PARD3: variants seen among roughly 807,000 people sequenced by gnomAD.
PARD3 encodes the protein partitioning defective 3 homolog.
PARD3 carries 75 observed loss-of-function variants against 155.4 expected under a neutral mutation model. The ratio of observed to expected loss-of-function variants is 0.48; its 90% CI spans 0.40 to 0.58. The LOEUF is 0.58. Ranked by LOEUF, PARD3 falls within the 20% of genes least tolerant of loss-of-function variation. PARD3 has a pLI of 0.00. For synonymous variants in PARD3, 576 were observed against 610.5 expected, an observed-to-expected ratio of 0.94 and a Z score of 0.83; for missense variants, 1,642 against 1,721.7, an observed-to-expected ratio of 0.95 and a Z score of 0.82.
chr10:34,401,034 T>C (rs961658649), intron 6 of PARD3, among the ~76,000 whole-genome samples: 1 of 152,248 alleles, frequency 6.6e-6, no homozygotes. Flanking sequence ...TCAAACAGCA[T>C]CTGACTCTAG....
At chr10:34,540,049 T>A (rs951491584) in intron 2 of PARD3, among the ~76,000 whole-genome samples, 7 of 151,922 alleles carry the variant, frequency 4.6e-5, no homozygotes, top group African/African-American at 1.7e-4. Context: ...GGAGTCAGAG[T>A]CCCTGGAACA....
chr10:34,494,329 C>T (rs1040732002), intron 3 of PARD3, among the ~76,000 whole-genome samples: 12 of 152,152 alleles, frequency 7.9e-5, no homozygotes, highest in African/African-American at 1.9e-4. Context: ...AGAGGCCCAG[C>T]GTGCTAGTCA....
At chr10:34,248,733 C>T (rs1954113597) in intron 22 of PARD3, among the ~76,000 whole-genome samples, 1 of 152,108 alleles carries the variant, frequency 6.6e-6, no homozygotes, top group Non-Finnish European at 1.5e-5. Context: ...AAGTTAAGGC[C>T]CAATGAAGAG....
At chr10:34,637,534 A>T (rs1488500432) in intron 2 of PARD3, among the ~76,000 whole-genome samples, 1 of 152,200 alleles carries the variant, frequency 6.6e-6, no homozygotes, top group Non-Finnish European at 1.5e-5. Flanking sequence ...TGAATTCACT[A>T]CAATGCTTTG....
intron 2 of PARD3, among the ~76,000 whole-genome samples, chr10:34,671,341 G>A (rs960945332): frequency 1.3e-5 from 2 of 152,042 alleles, no homozygotes; most frequent in African/African-American, 4.8e-5. Context: ...ATTTTGGTAG[G>A]GAAAAATAAA....
chr10:34,495,359 G>C (rs551176981), intron 3 of PARD3, among the ~76,000 whole-genome samples: 1 of 152,206 alleles, frequency 6.6e-6, no homozygotes, highest in Admixed American at 6.5e-5. Flanking sequence ...AAGTTCATCA[G>C]AGTCCAAATA....
chr10:34,671,359 A>G (rs2093607288), intron 2 of PARD3, among the ~76,000 whole-genome samples: 1 of 152,240 alleles, frequency 6.6e-6, no homozygotes, highest in African/African-American at 2.4e-5. Flanking sequence ...AAAGTGATGC[A>G]CGCAAGTCAA....
intron 3 of PARD3, among the ~76,000 whole-genome samples, chr10:34,497,426 G>A (rs1177864646): frequency 6.6e-6 from 1 of 152,120 alleles, no homozygotes; most frequent in Non-Finnish European, 1.5e-5. Context: ...ATAAGAAACT[G>A]AGCATCTTCA....
At chr10:34,776,102 A>G (rs1438352515) in intron 1 of PARD3, among the ~76,000 whole-genome samples, 1 of 152,332 alleles carries the variant, frequency 6.6e-6, no homozygotes, top group East Asian at 1.9e-4. Flanking sequence ...CATGGTTGAA[A>G]TTTTGGAAAA....
intron 3 of PARD3, among the ~76,000 whole-genome samples, chr10:34,474,138 C>G (rs1379714011): frequency 6.6e-6 from 1 of 152,170 alleles, no homozygotes; most frequent in Non-Finnish European, 1.5e-5. Flanking sequence ...GCACTCCAGC[C>G]TGGGCAACAG....
chr10:34,203,810 T>C (rs1951332852), intron 22 of PARD3, among the ~76,000 whole-genome samples: 1 of 152,212 alleles, frequency 6.6e-6, no homozygotes, highest in Non-Finnish European at 1.5e-5. Context: ...CTGAGTTCTA[T>C]TGATCTGTCA....
intron 22 of PARD3, among the ~76,000 whole-genome samples, chr10:34,145,213 ATATATATATTTTTTTT>A (rs1351671584): frequency 4.7e-5 from 3 of 64,042 alleles, no homozygotes; most frequent in African/African-American, 1.8e-4. Flanking sequence ...ATATATATAT[ATATATATATTTTTTTT>A]TTTTTTTTTT....
intron 14 of PARD3, among the ~76,000 whole-genome samples, chr10:34,351,019 A>C (rs1274991347): frequency 6.6e-6 from 1 of 152,228 alleles, no homozygotes; most frequent in East Asian, 1.9e-4. Context: ...TAATAAGCTA[A>C]GTGAATAATG....
rs765502165 is a variant in PARD3 at position 34,401,864 on chromosome 10, A to G, written c.768T>C (p.Ala256=). The change falls in exon 6 of 25, where the codon GCT becomes GCC. Residue 256 remains alanine (A), a synonymous_variant. Coordinates refer to ENST00000374788, the MANE Select transcript of PARD3 (RefSeq NM_001184785.2). The part of the protein sequence containing the change: ...DNSRVEPVGH[A]DTGLEHIPNF... ...TGGGTATATGCTCCAAACCCGTGTC[A>G]GCATGTCCAACAGGTTCAACACGAC... The G allele has an allele frequency of 7.9e-5, 127 of 1,613,598 alleles. No individual in the cohort carries two copies.
chr10:34,769,918 T>C (rs1838652307), intron 1 of PARD3, among the ~76,000 whole-genome samples: 1 of 152,022 alleles, frequency 6.6e-6, no homozygotes, highest in Admixed American at 6.6e-5. Flanking sequence ...GGTCCTTTCC[T>C]AAGTGACATT....
chr10:34,456,048 GAAAGAGTATGTGT>G (rs2077321632), intron 4 of PARD3, among the ~76,000 whole-genome samples: 1 of 152,134 alleles, frequency 6.6e-6, no homozygotes, highest in Non-Finnish European at 1.5e-5. Flanking sequence ...AAAGACAAAT[GAAAGAGTATGTGT>G]TTATAAAGTT....
At chr10:34,735,783 C>T (rs905353278) in intron 1 of PARD3, among the ~76,000 whole-genome samples, 1 of 152,192 alleles carries the variant, frequency 6.6e-6, no homozygotes, top group Non-Finnish European at 1.5e-5. Context: ...TATCAGTACA[C>T]TTTGCCTGTA....
At chr10:34,644,272 CAT>C (rs2092767740) in intron 2 of PARD3, among the ~76,000 whole-genome samples, 1 of 152,178 alleles carries the variant, frequency 6.6e-6, no homozygotes, top group Non-Finnish European at 1.5e-5. Flanking sequence ...ACTGATAAAA[CAT>C]AGAGAGGGAC....
chr10:34,115,178 A>T (rs1946599561), intron 24 of PARD3, among the ~76,000 whole-genome samples: 1 of 152,166 alleles, frequency 6.6e-6, no homozygotes, highest in Non-Finnish European at 1.5e-5. Context: ...GAGACATAAC[A>T]AATGGGCCTC....
Sources: gnomAD v4.1 joint callset for allele counts (sites outside exome capture counted in the v4.1 genomes callset) on GRCh38, gnomAD v4.1.1 for gene constraint, MANE v1.5 for transcripts, NCBI Gene and HGNC (gene_info 2026-07-23, HGNC 2026-07-21) for gene names.